The following GABRB3 variants were observed in gnomAD, a reference collection of about 807,000 sequenced individuals.
GABRB3 encodes the protein gamma-aminobutyric acid receptor subunit beta-3.
GABRB3 carries 14 observed loss-of-function variants against 52.1 expected under a neutral mutation model. The ratio of observed to expected loss-of-function variants is 0.27; its 90% CI spans 0.18 to 0.42. GABRB3 has a LOEUF of 0.42. Among genes scored for constraint, GABRB3 ranks in the 10% least tolerant of loss-of-function variants. The pLI is 1.00. For synonymous variants in GABRB3, 260 were observed against 232.3 expected (o/e 1.12, Z -1.08); for missense variants, 307 against 609.1 (o/e 0.50, Z 5.22).
At chr15:26,700,100 G>GA (rs930563629) in intron 3 of GABRB3, among the ~76,000 whole-genome samples, 25 of 150,890 alleles carry the variant, frequency 1.7e-4, no homozygotes, top group East Asian at 1.2e-3. Flanking sequence ...GACTGATAAG[G>GA]AAAAAAAACA....
intron 3 of GABRB3, among the ~76,000 whole-genome samples, chr15:26,630,991 A>C (rs950294903): frequency 6.6e-6 from 1 of 152,238 alleles, no homozygotes; most frequent in Non-Finnish European, 1.5e-5. Flanking sequence ...TGAAGGTAAG[A>C]AGCCACGGTT....
At chr15:26,585,755 A>AT (rs1890958740) in intron 4 of GABRB3, among the ~76,000 whole-genome samples, 1 of 152,186 alleles carries the variant, frequency 6.6e-6, no homozygotes, top group African/African-American at 2.4e-5. Flanking sequence ...ACATTCTGTG[A>AT]TCCCAAATCA....
At chr15:26,737,694 A>C (rs1176205642) in intron 3 of GABRB3, among the ~76,000 whole-genome samples, 1 of 152,110 alleles carries the variant, frequency 6.6e-6, no homozygotes. Context: ...TTATATATAC[A>C]AGAGCTGACC....
At chr15:26,702,920 C>G (rs1479606938) in intron 3 of GABRB3, among the ~76,000 whole-genome samples, 4 of 152,188 alleles carry the variant, frequency 2.6e-5, no homozygotes, top group African/African-American at 9.7e-5. Flanking sequence ...CTTTTGGAGG[C>G]TGGAAAGTCC....
chr15:26,678,818 T>C (rs2140643853), intron 3 of GABRB3, among the ~76,000 whole-genome samples: 1 of 152,298 alleles, frequency 6.6e-6, no homozygotes, highest in Non-Finnish European at 1.5e-5. Flanking sequence ...GGTGTTTCTC[T>C]GTCCCAGATG....
At position 26,735,955 on chromosome 15, in the gene GABRB3, C is replaced by CAA. The variant is rs34968150; in HGVS notation, c.240+36445_240+36446dup. 6.9e-3 allele frequency among the ~76,000 whole-genome samples: 502 copies of CAA among 72,266 alleles called. 1 individual carries two copies. Among genetic ancestry groups the CAA allele is most frequent in the African/African-American group, 0.024 (477 of 19,800 alleles). The allele number at this position is 72,266 out of a possible 152,430, so 47.4% of individuals were successfully genotyped here. On this transcript the variant is annotated intron_variant, in intron 3 of 8. Coordinates refer to ENST00000311550, the MANE Select transcript of GABRB3 (RefSeq NM_000814.6). ...GGGCAACAGAGAGAGACCTTGTCTTCAAAAAAAAAAAAAAAAGCCAGTTCT... is the reference window on the plus strand; with the variant it reads ...GGGCAACAGAGAGAGACCTTGTCTTCAAAAAAAAAAAAAAAAAAGCCAGTTCT...
intron 3 of GABRB3, among the ~76,000 whole-genome samples, chr15:26,757,720 T>C (rs1403478880): frequency 2.0e-5 from 3 of 152,188 alleles, no homozygotes; most frequent in Non-Finnish European, 2.9e-5. Flanking sequence ...ATTATGTATT[T>C]TGAAAATCAA....
At chr15:26,611,053 T>C (rs1041637878) in intron 4 of GABRB3, among the ~76,000 whole-genome samples, 1 of 152,230 alleles carries the variant, frequency 6.6e-6, no homozygotes, top group Non-Finnish European at 1.5e-5. Flanking sequence ...AATACCCATG[T>C]ATTTAACCTT....
chr15:26,591,954 G>A (rs979504601), intron 4 of GABRB3, among the ~76,000 whole-genome samples: 3 of 152,120 alleles, frequency 2.0e-5, no homozygotes, highest in Admixed American at 6.6e-5. Context: ...TGCAGATTAC[G>A]GACTACCCCC....
At chr15:26,643,642 G>A (rs935953594) in intron 3 of GABRB3, among the ~76,000 whole-genome samples, 1 of 152,046 alleles carries the variant, frequency 6.6e-6, no homozygotes, top group Non-Finnish European at 1.5e-5. Context: ...GTGTGTGTGT[G>A]TGTGTGGGTT....
At chr15:26,556,042 C>G (rs915184327) in intron 8 of GABRB3, among the ~76,000 whole-genome samples, 1 of 152,032 alleles carries the variant, frequency 6.6e-6, no homozygotes, top group Non-Finnish European at 1.5e-5. Flanking sequence ...TAGAAAGAAG[C>G]GATTGTGGGT....
intron 3 of GABRB3, among the ~76,000 whole-genome samples, chr15:26,647,019 A>C (rs951044257): frequency 1.3e-5 from 2 of 151,842 alleles, no homozygotes; most frequent in Non-Finnish European, 2.9e-5. Context: ...AATTTTTTGT[A>C]TTTTTAGTAT....
intron 3 of GABRB3, among the ~76,000 whole-genome samples, chr15:26,704,064 C>T (rs560781820): frequency 7.9e-5 from 12 of 152,310 alleles, no homozygotes; most frequent in East Asian, 3.9e-4. Context: ...GGCAGTTCTC[C>T]GCATGGGCCT....
At chr15:26,554,169 ATATAAAGTATATATATATATAC>A (rs1466050357) in intron 8 of GABRB3, among the ~76,000 whole-genome samples, 1 of 25,492 alleles carries the variant, frequency 3.9e-5, no homozygotes, top group African/African-American at 1.6e-4. Flanking sequence ...AAGTATATAT[ATATAAAGTATATATATATATAC>A]TATATATATA....
At chr15:26,580,289 G>A in intron 6 of GABRB3, 30 bp downstream of exon 6, 1 of 1,613,948 alleles carries the variant, frequency 6.2e-7, no homozygotes, top group Non-Finnish European at 8.5e-7. Context: ...CAGTGCCCCT[G>A]AAGGGACTAT....
At chr15:26,688,796 T>C (rs942116689) in intron 3 of GABRB3, among the ~76,000 whole-genome samples, 5 of 152,220 alleles carry the variant, frequency 3.3e-5, no homozygotes, top group African/African-American at 9.6e-5. Flanking sequence ...GGCTGAACAC[T>C]GTAATATTCA....
At chr15:26,644,755 G>A (rs1255383929) in intron 3 of GABRB3, among the ~76,000 whole-genome samples, 2 of 152,176 alleles carry the variant, frequency 1.3e-5, no homozygotes, top group Non-Finnish European at 2.9e-5. Flanking sequence ...AGAAATTTAA[G>A]CTGCCGAACA....
At chr15:26,617,353 G>C (rs554332305) in intron 4 of GABRB3, among the ~76,000 whole-genome samples, 75 of 152,004 alleles carry the variant, frequency 4.9e-4, no homozygotes, top group African/African-American at 1.8e-3. Flanking sequence ...TGCAAGGCTG[G>C]TTCAATATAT....
intron 6 of GABRB3, 114 bp from the exon 7 acceptor site, chr15:26,567,847 G>T: frequency 1.0e-6 from 1 of 995,220 alleles, no homozygotes; most frequent in Non-Finnish European, 1.6e-6. Context: ...GAATAAAGGG[G>T]TGACCCACCA....
Sources: gnomAD v4.1 joint callset for allele counts (sites outside exome capture counted in the v4.1 genomes callset) on GRCh38, gnomAD v4.1.1 for gene constraint, MANE v1.5 for transcripts, NCBI Gene and HGNC (gene_info 2026-07-23, HGNC 2026-07-21) for gene names.